The following XPNPEP3 variants were observed in gnomAD, a reference collection of about 807,000 sequenced individuals.
XPNPEP3 encodes the protein xaa-Pro aminopeptidase 3.
A neutral mutation model predicts 60.0 loss-of-function variants in XPNPEP3; 41 were observed. The observed-to-expected ratio is 0.68, with a 90% CI of 0.53 to 0.89. The LOEUF (loss-of-function observed/expected upper bound fraction) is 0.89, where lower values mean the gene tolerates loss of function less well. XPNPEP3 is among the 40% of genes least tolerant of loss of function. The pLI, the probability that XPNPEP3 is intolerant of heterozygous loss-of-function variation, is 0.00. For synonymous variants in XPNPEP3, 212 were observed against 223.2 expected, an observed-to-expected ratio of 0.95 and a Z score of 0.45; for missense variants, 598 against 638.9, an observed-to-expected ratio of 0.94 and a Z score of 0.69.
In XPNPEP3 at chr22:40,882,104, A is replaced by G; in HGVS notation, c.516A>G (p.Gly172=). The G allele has an allele frequency of 6.2e-7, 1 of 1,614,158 alleles. No homozygotes were observed. The highest frequency in any genetic ancestry group is 8.5e-7 in the Non-Finnish European group (1 of 1,180,018). The change falls in exon 3 of 10, where the codon GGA becomes GGG. Residue 172 remains glycine, a synonymous_variant. Coordinates refer to ENST00000357137, the MANE Select transcript of XPNPEP3 (RefSeq NM_022098.4). ...LWDGPRSGTD[G]AIALTGVDEA... ...ATGGTCCGCGATCTGGCACTGATGG[A>G]GCAATAGCTCTAACTGGAGTAGACG...
intron 5 of XPNPEP3, 77 bp downstream of exon 5, chr22:40,907,726 G>C (rs1288190573): frequency 1.4e-6 from 2 of 1,400,658 alleles, no homozygotes; most frequent in African/African-American, 2.8e-5. Context: ...TGGCAGTGCA[G>C]TCTGCTTTTG....
chr22:40,914,156 AAAAAG>A, intron 6 of XPNPEP3, 78 bp from the exon 7 acceptor site: 4 of 1,265,476 alleles, frequency 3.2e-6, no homozygotes, highest in Non-Finnish European at 4.6e-6. Flanking sequence ...AAAAAAAAAA[AAAAAG>A]AAAGGCATAC....
At chr22:40,880,838 A>G (rs2058044782) in intron 2 of XPNPEP3, among the ~76,000 whole-genome samples, 1 of 151,614 alleles carries the variant, frequency 6.6e-6, no homozygotes. Context: ...CCTATATTGT[A>G]TAGTTTCATT....
At chr22:40,922,266 C>G in intron 7 of XPNPEP3, 67 bp from the exon 8 acceptor site, 1 of 1,593,158 alleles carries the variant, frequency 6.3e-7, no homozygotes, top group Non-Finnish European at 8.6e-7. Context: ...TCTAATCAAA[C>G]TTAGTAGCAA....
intron 1 of XPNPEP3, chr22:40,862,856 A>G (rs1045385029): frequency 5.5e-5 from 29 of 529,590 alleles, no homozygotes; most frequent in Non-Finnish European, 6.8e-5. Context: ...AAAAGACACC[A>G]GTTTTCCTGG....
intron 1 of XPNPEP3, among the ~76,000 whole-genome samples, chr22:40,865,436 C>T (rs945935746): frequency 3.3e-5 from 5 of 150,388 alleles, no homozygotes; most frequent in African/African-American, 9.8e-5. Flanking sequence ...TCAAGCCATT[C>T]TCCTGCTTCA....
intron 1 of XPNPEP3, chr22:40,860,981 T>TTA: frequency 1.6e-6 from 2 of 1,286,084 alleles, no homozygotes; most frequent in Non-Finnish European, 2.1e-6. Context: ...GCTCTTAGTA[T>TTA]AGTATTAAGT....
At chr22:40,896,876 T>C (rs2058110359) in intron 4 of XPNPEP3, among the ~76,000 whole-genome samples, 1 of 152,292 alleles carries the variant, frequency 6.6e-6, no homozygotes. Flanking sequence ...AATTACTTCA[T>C]ATAAGTAGAA....
chr22:40,912,826 C>T (rs1348887927), intron 6 of XPNPEP3, among the ~76,000 whole-genome samples: 6 of 152,028 alleles, frequency 3.9e-5, no homozygotes, highest in Admixed American at 1.3e-4. Context: ...GCCAAGGTTG[C>T]GCCACTGCAC....
At chr22:40,909,755 G>C (rs2058170306) in intron 6 of XPNPEP3, among the ~76,000 whole-genome samples, 1 of 151,894 alleles carries the variant, frequency 6.6e-6, no homozygotes, top group Admixed American at 6.6e-5. Context: ...CCTGGGCTAT[G>C]GAGCAAGACT....
At chr22:40,915,127 C>G (rs1210919499) in intron 7 of XPNPEP3, among the ~76,000 whole-genome samples, 1 of 148,716 alleles carries the variant, frequency 6.7e-6, no homozygotes, top group African/African-American at 2.5e-5. Context: ...TCTCGGCTCA[C>G]TGCTAGCTCC....
intron 4 of XPNPEP3, among the ~76,000 whole-genome samples, chr22:40,902,081 T>TC (rs1230030030): frequency 6.8e-6 from 1 of 147,172 alleles, no homozygotes; most frequent in African/African-American, 2.6e-5. Flanking sequence ...CTTTTTTTTT[T>TC]TTTTTTTTTG....
At chr22:40,872,073 T>G (rs1275961313) in intron 2 of XPNPEP3, among the ~76,000 whole-genome samples, 1 of 152,140 alleles carries the variant, frequency 6.6e-6, no homozygotes, top group African/African-American at 2.4e-5. Context: ...CCAGTTCCTC[T>G]GAATTCTTGG....
At chr22:40,898,224 C>CTTTTTTTTTTTTTTTTTTTTTTTTTTT (rs1405343173) in intron 4 of XPNPEP3, among the ~76,000 whole-genome samples, 1 of 70,228 alleles carries the variant, frequency 1.4e-5, no homozygotes. Context: ...GTCTTTGACC[C>CTTTTTTTTTTTTTTTTTTTTTTTTTTT]ATTTTTTTTT....
intron 1 of XPNPEP3, among the ~76,000 whole-genome samples, chr22:40,867,185 CATT>C (rs1329284461): frequency 2.0e-5 from 3 of 152,156 alleles, no homozygotes; most frequent in Admixed American, 1.3e-4. Flanking sequence ...GCATTATCAT[CATT>C]ATTTTACAAA....
intron 7 of XPNPEP3, among the ~76,000 whole-genome samples, chr22:40,916,838 CACACTG>C (rs1276911344): frequency 2.6e-4 from 39 of 152,140 alleles, no homozygotes; most frequent in Admixed American, 2.6e-3. Flanking sequence ...GTAATCCCAG[CACACTG>C]GGAGGAAAGA....
At chr22:40,908,256 A>G (rs1007984776) in intron 5 of XPNPEP3, among the ~76,000 whole-genome samples, 1 of 151,800 alleles carries the variant, frequency 6.6e-6, no homozygotes, top group Non-Finnish European at 1.5e-5. Context: ...GTGCTGGCAC[A>G]TGCCTGTAAT....
chr22:40,875,485 C>T (rs1488894327), intron 2 of XPNPEP3, among the ~76,000 whole-genome samples: 2 of 152,092 alleles, frequency 1.3e-5, no homozygotes, highest in Non-Finnish European at 2.9e-5. Context: ...ATAATGTAGT[C>T]TCTATGTAAA....
At chr22:40,861,386 TTTC>T in intron 1 of XPNPEP3, 1 of 1,613,746 alleles carries the variant, frequency 6.2e-7, no homozygotes, top group African/African-American at 1.3e-5. Context: ...TTTCAATAAT[TTTC>T]TTTGTATTAA....
Sources: gnomAD v4.1 joint callset for allele counts (sites outside exome capture counted in the v4.1 genomes callset) on GRCh38, gnomAD v4.1.1 for gene constraint, MANE v1.5 for transcripts, NCBI Gene and HGNC (gene_info 2026-07-23, HGNC 2026-07-21) for gene names.